The following SULT4A1 variants were observed in gnomAD, a reference collection of about 807,000 sequenced individuals.
SULT4A1 encodes sulfotransferase family 4A member 1, also known as sulfotransferase 4A1.
A neutral mutation model predicts 35.2 loss-of-function variants in SULT4A1; 11 were observed. That is an observed-to-expected ratio of 0.31 (90% CI 0.20 to 0.52). The LOEUF is 0.52. Among genes scored for constraint, SULT4A1 ranks in the 20% least tolerant of loss-of-function variants. The pLI is 0.97. For synonymous variants in SULT4A1, 152 were observed against 151.8 expected (o/e 1.00, Z -0.01); for missense variants, 271 against 383.7 (o/e 0.71, Z 2.45).
intron 1 of SULT4A1, 127 bp downstream of exon 1, chr22:43,862,087 C>G (rs1432475170): frequency 2.0e-6 from 1 of 493,552 alleles, no homozygotes; most frequent in Non-Finnish European, 2.9e-6. Flanking sequence ...GCGGTGGGCA[C>G]GGCAGGGGCG....
intron 5 of SULT4A1, 146 bp downstream of exon 5, chr22:43,833,494 G>A: frequency 6.5e-6 from 1 of 153,014 alleles, no homozygotes; most frequent in South Asian, 8.3e-5. Context: ...CCCCCTTCCA[G>A]CCCACAGACT....
rs548083020 is a variant in SULT4A1 at position 43,853,140 on chromosome 22, T to A, written c.169+9074A>T. On this transcript the variant is annotated intron_variant, in intron 1 of 6. Transcript: ENST00000330884. The stretch of plus-strand genomic sequence containing the variant: ...AGACACAGACCACGTGCACTCACAC[T>A]CACTCCACACACAAACACACAACAC... 3.6e-3 allele frequency among the ~76,000 whole-genome samples: 538 copies of A among 150,440 alleles called. 4 individuals are homozygous for A. The highest frequency in any genetic ancestry group is 0.017 in the South Asian group (82 of 4,708).
intron 1 of SULT4A1, among the ~76,000 whole-genome samples, chr22:43,855,277 A>G (rs1349765526): frequency 1.3e-5 from 2 of 152,216 alleles, no homozygotes; most frequent in African/African-American, 4.8e-5. Context: ...TACCCAAAAA[A>G]TGGCCTATTT....
rs762497351 is a variant in SULT4A1, at chr22:43,826,078, A to G, written c.778T>C (p.Ser260Pro). The G allele has an allele frequency of 6.2e-7, 1 of 1,614,216 alleles. No homozygotes were observed. The highest frequency in any genetic ancestry group is 1.3e-5 in the African/African-American group (1 of 75,044). ...VGLWKDIFTV[S>P]MNEKFDLVYK... ...ACCAAGTCAAACTTCTCATTCATGG[A>G]GACGGTGAAGATGTCCTTCCACAGC... is the stretch of plus-strand genomic sequence containing the variant. Residue 260 changes from serine to proline, a missense_variant, in exon 7 of 7, where the codon TCC becomes CCC. Around this residue, in one of 3 missense-constraint regions of SULT4A1, gnomAD observed 32 missense variants for 61.9 expected, o/e 0.52. Transcript: ENST00000330884.
chr22:43,841,676 G>GGGA (rs2063430481), intron 2 of SULT4A1, 126 bp downstream of exon 2: 2 of 1,425,090 alleles, frequency 1.4e-6, no homozygotes, highest in African/African-American at 2.8e-5. Context: ...CTTCTCCCCT[G>GGGA]GCTATCTGGG....
At chr22:43,860,416 G>A (rs1261227751) in intron 1 of SULT4A1, among the ~76,000 whole-genome samples, 2 of 151,376 alleles carry the variant, frequency 1.3e-5, no homozygotes, top group South Asian at 2.1e-4. Flanking sequence ...CCTTTCCAGC[G>A]TGTGTCTGGA....
At chr22:43,847,754 G>A (rs2063485861) in intron 1 of SULT4A1, among the ~76,000 whole-genome samples, 1 of 152,216 alleles carries the variant, frequency 6.6e-6, no homozygotes, top group South Asian at 2.1e-4. Flanking sequence ...CCCCTGCCTG[G>A]TCCCACAGAG....
rs1229107150 is a variant in SULT4A1 at position 43,862,199 on chromosome 22, C to T, written c.169+15G>A. 2.7e-6 allele frequency: 4 copies of T among 1,500,842 alleles called. No individual in the cohort carries two copies. Among genetic ancestry groups the T allele is most frequent in the Middle Eastern group, 2.1e-4 (1 of 4,726 alleles). 93.0% of individuals were successfully genotyped at this position (1,500,842 alleles called of 1,614,324 possible). ...TGGGGCATGGCGTGGCGGGCGCGGT[C>T]GGCGCGGGGCTCACCGGACTTGGGG... On this transcript the variant is annotated intron_variant, in intron 1 of 6. Coordinates refer to ENST00000330884, the MANE Select transcript of SULT4A1 (RefSeq NM_014351.4).
At chr22:43,861,969 G>A (rs1185020043) in intron 1 of SULT4A1, among the ~76,000 whole-genome samples, 4 of 152,208 alleles carry the variant, frequency 2.6e-5, no homozygotes, top group Admixed American at 2.0e-4. Context: ...TCCACGGAAG[G>A]GGCCGCTCCC....
At chr22:43,837,557 A>C (rs2063387374) in intron 4 of SULT4A1, among the ~76,000 whole-genome samples, 1 of 152,156 alleles carries the variant, frequency 6.6e-6, no homozygotes, top group Admixed American at 6.5e-5. Context: ...GAGCAGGCTC[A>C]GGGGGCTTCA....
intron 1 of SULT4A1, among the ~76,000 whole-genome samples, chr22:43,856,233 G>A (rs2049399685): frequency 6.6e-6 from 1 of 152,166 alleles, no homozygotes; most frequent in Admixed American, 6.5e-5. Context: ...TGAGAGAGGG[G>A]CAGCAAACCG....
chr22:43,829,685 T>C (rs946067365), intron 5 of SULT4A1, among the ~76,000 whole-genome samples: 2 of 152,172 alleles, frequency 1.3e-5, no homozygotes, highest in Admixed American at 1.3e-4. Flanking sequence ...ATGCCTGCCA[T>C]ACCCTGCCCC....
rs2063282594 is a variant in SULT4A1, at chr22:43,825,776, G to A, written c.*225C>T. 1 of 513,392 alleles carries A rather than the reference G, an allele frequency of 1.9e-6. No individual in the cohort carries two copies. The allele number at this position is 513,392 out of a possible 1,614,324, so 31.8% of individuals were successfully genotyped here. ...CAGGCCATTGGAACTGCAATGTGGAGACTGTTTGTAATCAGACATGGAGAG... is the reference window on the plus strand; with the variant it reads ...CAGGCCATTGGAACTGCAATGTGGAAACTGTTTGTAATCAGACATGGAGAG... On this transcript the variant is annotated 3_prime_UTR_variant, in exon 7 of 7. Coordinates refer to ENST00000330884, the MANE Select transcript of SULT4A1 (RefSeq NM_014351.4).
At chr22:43,847,818 T>C (rs2063486371) in intron 1 of SULT4A1, among the ~76,000 whole-genome samples, 1 of 152,244 alleles carries the variant, frequency 6.6e-6, no homozygotes, top group Non-Finnish European at 1.5e-5. Context: ...GGGCAAGCCC[T>C]GTGAGGGCAG....
At chr22:43,855,379 G>C (rs1312049482) in intron 1 of SULT4A1, among the ~76,000 whole-genome samples, 3 of 152,224 alleles carry the variant, frequency 2.0e-5, no homozygotes, top group East Asian at 1.9e-4. Flanking sequence ...TCTGAGGCTT[G>C]AGCAGGACAA....
intron 6 of SULT4A1, among the ~76,000 whole-genome samples, chr22:43,828,358 A>T (rs1416563126): frequency 1.3e-5 from 2 of 152,184 alleles, no homozygotes; most frequent in Non-Finnish European, 2.9e-5. Context: ...ACACACCCTT[A>T]AGGACAGGGG....
At chr22:43,862,188 G>GC (rs1254762435) in intron 1 of SULT4A1, 26 bp downstream of exon 1, 27 of 1,473,120 alleles carry the variant, frequency 1.8e-5, no homozygotes, top group Non-Finnish European at 2.3e-5. Context: ...GCATGGCGTG[G>GC]CGGGCGCGGT....
chr22:43,839,029 C>G (rs775109390), intron 3 of SULT4A1, 36 bp from the exon 4 acceptor site: 1 of 1,608,516 alleles, frequency 6.2e-7, no homozygotes, highest in Non-Finnish European at 8.5e-7. Context: ...TCCGTGTCTC[C>G]TTCCCTCCCA....
In SULT4A1 at chr22:43,838,768, G is replaced by C; in HGVS notation, c.508+99C>G. ...GGCCTGACCTACATGGTCACTGTCA[G>C]AACTGGAGACCGTGTCGGGGAAGCA... On this transcript the variant is annotated intron_variant, in intron 4 of 6. Transcript: ENST00000330884. The C allele has an allele frequency of 2.6e-6, 4 of 1,531,930 alleles. No individual in the cohort carries two copies. The South Asian group carries it at 4.7e-5, about 18-fold the overall frequency. 94.9% of individuals were successfully genotyped at this position (1,531,930 alleles called of 1,614,324 possible). A position where few individuals can be genotyped will look rare whatever the true frequency, so the allele number is the denominator to read the frequency against.
Sources: allele counts gnomAD v4.1 joint callset (sites outside exome capture counted in the v4.1 genomes callset), GRCh38; gene constraint gnomAD v4.1.1; regional missense constraint gnomAD v4.1.1; transcripts MANE v1.5; gene names NCBI Gene and HGNC (gene_info 2026-07-23, HGNC 2026-07-21).